Variants in PDLIM5 observed in about 807,000 individuals in gnomAD.
The protein encoded by PDLIM5 is PDZ and LIM domain protein 5.
PDLIM5 carries 34 observed loss-of-function variants against 64.2 expected under a neutral mutation model. The ratio of observed to expected loss-of-function variants is 0.53; its 90% CI spans 0.40 to 0.71. The LOEUF (loss-of-function observed/expected upper bound fraction) is 0.71. Ranked by LOEUF, PDLIM5 falls within the 30% of genes least tolerant of loss-of-function variation. The pLI is 0.00. For missense variants in PDLIM5, 683 were observed against 733.6 expected, an observed-to-expected ratio of 0.93 and a Z score of 0.80; for synonymous variants, 253 against 269.1, an observed-to-expected ratio of 0.94 and a Z score of 0.59.
intron 3 of PDLIM5, among the ~76,000 whole-genome samples, chr4:94,558,663 A>G (rs1449664489): frequency 6.6e-6 from 1 of 151,990 alleles, no homozygotes; most frequent in African/African-American, 2.4e-5. Flanking sequence ...ATATTCAAGT[A>G]TGACTAAGGA....
At chr4:94,553,190 T>C (rs886132704) in intron 3 of PDLIM5, among the ~76,000 whole-genome samples, 2 of 152,066 alleles carry the variant, frequency 1.3e-5, no homozygotes, top group African/African-American at 4.8e-5. Context: ...AGTGGTAAGA[T>C]CTCCGCCTCC....
intron 7 of PDLIM5, chr4:94,611,118 A>T (rs1298375264): frequency 3.3e-6 from 5 of 1,533,004 alleles, no homozygotes; most frequent in Non-Finnish European, 3.5e-6. Flanking sequence ...ACTTTGCATC[A>T]GCCCTGTCTC....
At chr4:94,611,186 T>C in intron 7 of PDLIM5, 1 of 1,535,258 alleles carries the variant, frequency 6.5e-7, no homozygotes, top group South Asian at 1.2e-5. Flanking sequence ...GCTCTATCCA[T>C]GTTAAGAAAA....
At chr4:94,589,605 T>C (rs1560725244) in intron 7 of PDLIM5, among the ~76,000 whole-genome samples, 1 of 152,202 alleles carries the variant, frequency 6.6e-6, no homozygotes, top group Non-Finnish European at 1.5e-5. Context: ...AGTGACCTAA[T>C]TTATGACTTG....
At chr4:94,456,779 G>T (rs1194803417) in intron 2 of PDLIM5, 6 of 1,205,660 alleles carry the variant, frequency 5.0e-6, no homozygotes, top group Admixed American at 4.2e-5. Flanking sequence ...TTTGTGCAAC[G>T]CATGAAAATA....
At chr4:94,627,381 G>A (rs561421614) in intron 8 of PDLIM5, among the ~76,000 whole-genome samples, 1 of 152,086 alleles carries the variant, frequency 6.6e-6, no homozygotes, top group African/African-American at 2.4e-5. Context: ...CTGATGCAAG[G>A]CTTCATCTGT....
chr4:94,487,434 C>G (rs1726451387), intron 2 of PDLIM5, among the ~76,000 whole-genome samples: 1 of 152,178 alleles, frequency 6.6e-6, no homozygotes, highest in Non-Finnish European at 1.5e-5. Flanking sequence ...TCCTCCTGAG[C>G]AGTAAGTTGA....
In PDLIM5 at chr4:94,564,656, C is replaced by CT. The variant is rs768721210; in HGVS notation, c.249-8676dup. On this transcript the variant is annotated intron_variant, in intron 3 of 12. Transcript: ENST00000317968. ...CACCTTCAAAGGAGGAATTTTGTCT[C>CT]TTTTTTTTTTTTTTTTTTTGACAGA... is the stretch of plus-strand genomic sequence containing the variant. 4.3e-3 allele frequency among the ~76,000 whole-genome samples: 454 copies of CT among 104,486 alleles called. 15 individuals are homozygous for CT. Among genetic ancestry groups the CT allele is most frequent in the East Asian group, 0.035 (136 of 3,902 alleles). The allele number at this position is 104,486 out of a possible 152,430, so 68.5% of individuals were successfully genotyped here. A position where few individuals can be genotyped will look rare whatever the true frequency, so the allele number is the denominator to read the frequency against.
chr4:94,660,854 C>A (rs1401026062), intron 11 of PDLIM5, among the ~76,000 whole-genome samples: 2 of 151,962 alleles, frequency 1.3e-5, no homozygotes, highest in African/African-American at 4.8e-5. Context: ...AGAGGAGCTG[C>A]ATAAAAGAAA....
chr4:94,491,003 A>G (rs1247930039), intron 2 of PDLIM5, among the ~76,000 whole-genome samples: 1 of 152,180 alleles, frequency 6.6e-6, no homozygotes, highest in African/African-American at 2.4e-5. Flanking sequence ...AAAACTCATT[A>G]TACCCTACCT....
chr4:94,622,904 C>T (rs1172729654), intron 8 of PDLIM5, among the ~76,000 whole-genome samples: 3 of 152,022 alleles, frequency 2.0e-5, no homozygotes, highest in African/African-American at 7.2e-5. Context: ...CTCCTGACCT[C>T]GTGACCCACC....
chr4:94,519,485 A>C (rs1729646519), intron 2 of PDLIM5, among the ~76,000 whole-genome samples: 1 of 152,188 alleles, frequency 6.6e-6, no homozygotes, highest in Non-Finnish European at 1.5e-5. Flanking sequence ...CAGAACATGA[A>C]TATAAACTCA....
intron 2 of PDLIM5, among the ~76,000 whole-genome samples, chr4:94,498,508 T>C (rs1323908904): frequency 6.6e-6 from 1 of 152,222 alleles, no homozygotes; most frequent in Non-Finnish European, 1.5e-5. Context: ...ATTAAAGAAG[T>C]AGCACATTTA....
At chr4:94,532,892 A>G (rs536270446) in intron 3 of PDLIM5, among the ~76,000 whole-genome samples, 1 of 152,242 alleles carries the variant, frequency 6.6e-6, no homozygotes, top group South Asian at 2.1e-4. Flanking sequence ...TATTCCAGCT[A>G]TTGGGGAGGG....
At chr4:94,571,046 A>C (rs535131474) in intron 3 of PDLIM5, among the ~76,000 whole-genome samples, 1 of 152,348 alleles carries the variant, frequency 6.6e-6, no homozygotes, top group East Asian at 1.9e-4. Flanking sequence ...CAGTTTTAGG[A>C]AACTACATTA....
intron 2 of PDLIM5, among the ~76,000 whole-genome samples, chr4:94,498,096 T>G (rs1727571942): frequency 6.6e-6 from 1 of 152,196 alleles, no homozygotes; most frequent in Non-Finnish European, 1.5e-5. Context: ...TGACCTGGGC[T>G]TTCGGATCAG....
intron 3 of PDLIM5, among the ~76,000 whole-genome samples, chr4:94,524,757 ACT>A (rs1730188990): frequency 6.6e-6 from 1 of 152,122 alleles, no homozygotes; most frequent in Admixed American, 6.5e-5. Context: ...TGATGTCTAT[ACT>A]GAATCCGAAT....
chr4:94,564,673 T>TTTTG lies in PDLIM5; in HGVS notation c.249-8676_249-8675insTGTT, dbSNP rs1195951922. 4.8e-3 allele frequency among the ~76,000 whole-genome samples: 702 copies of TTTTG among 144,892 alleles called. 5 individuals are homozygous for TTTTG. Among genetic ancestry groups the TTTTG allele is most frequent in the African/African-American group, 0.018 (666 of 36,088 alleles). On this transcript the variant is annotated intron_variant, in intron 3 of 12. Coordinates refer to ENST00000317968, the MANE Select transcript of PDLIM5 (RefSeq NM_006457.5). Reference sequence around the variant, plus strand: ...TTTTGTCTCTTTTTTTTTTTTTTTTTTTGACAGAGTCTTGCTTTGTCTCCC... The same window carrying TTTTG: ...TTTTGTCTCTTTTTTTTTTTTTTTTTTTTGTTGACAGAGTCTTGCTTTGTCTCCC...
At chr4:94,543,668 C>T (rs537653364) in intron 3 of PDLIM5, among the ~76,000 whole-genome samples, 6 of 152,088 alleles carry the variant, frequency 3.9e-5, no homozygotes, top group East Asian at 1.9e-4. Context: ...GGAGATCATG[C>T]GGTATTTGTC....
Sources: gnomAD v4.1 joint callset for allele counts (sites outside exome capture counted in the v4.1 genomes callset) on GRCh38, gnomAD v4.1.1 for gene constraint, MANE v1.5 for transcripts, NCBI Gene and HGNC (gene_info 2026-07-23, HGNC 2026-07-21) for gene names.